JAKMIP3: variants seen among roughly 807,000 people sequenced by gnomAD.
JAKMIP3 encodes the protein Janus kinase and microtubule interacting protein 3.
Under a neutral mutation model 118.5 loss-of-function variants are expected in JAKMIP3, and 58 were observed. That is an observed-to-expected ratio of 0.49 (90% CI 0.40 to 0.61). The LOEUF is 0.61. JAKMIP3 is among the 20% of genes least tolerant of loss of function. The pLI is 0.00. For missense variants in JAKMIP3, 950 were observed against 1,109.0 expected (o/e 0.86, Z 2.04); for synonymous variants, 486 against 451.2 (o/e 1.08, Z -0.98).
chr10:132,159,361 TGTGATGC>T (rs2057564976), intron 19 of JAKMIP3, among the ~76,000 whole-genome samples: 1 of 90,894 alleles, frequency 1.1e-5, no homozygotes, highest in Non-Finnish European at 2.1e-5. Flanking sequence ...CCTCTCCCTG[TGTGATGC>T]TGGTTGGGGG....
intron 17 of JAKMIP3, among the ~76,000 whole-genome samples, 168 bp downstream of exon 17, chr10:132,153,191 A>G (rs2056535389): frequency 6.6e-6 from 1 of 152,146 alleles, no homozygotes; most frequent in Non-Finnish European, 1.5e-5. Flanking sequence ...GTCAGACAGC[A>G]CCCACTGTGC....
At chr10:132,093,931 A>ATTTTTTTTTTT (rs35838926) in intron 1 of JAKMIP3, among the ~76,000 whole-genome samples, 1 of 103,622 alleles carries the variant, frequency 9.7e-6, no homozygotes, top group African/African-American at 4.1e-5. Context: ...TCTTGTATCT[A>ATTTTTTTTTTT]TTTTTTTTTT....
At chr10:132,143,384 G>A (rs567412507) in intron 11 of JAKMIP3, among the ~76,000 whole-genome samples, 188 of 152,190 alleles carry the variant, frequency 1.2e-3, no homozygotes, top group African/African-American at 4.4e-3. Flanking sequence ...GGCAACAGCC[G>A]CATCCTCCTG....
rs78161504 is a variant in JAKMIP3, at chr10:132,055,824, G to T, written c.-138+19086G>T. 3.0e-4 allele frequency among the ~76,000 whole-genome samples: 46 copies of T among 152,330 alleles called. 3 individuals are homozygous for T. The East Asian group carries it at 8.9e-3, about 29-fold the overall frequency. On this transcript the variant is annotated intron_variant, in intron 1 of 23. Coordinates refer to the JAKMIP3 transcript ENST00000657785. ...TGCCATCAGGCGACCTGGAGGTGCA[G>T]AGAGCCCAGTAATTAGCCTTCTCCC...
chr10:132,040,916 G>C (rs2037722710), intron 1 of JAKMIP3, among the ~76,000 whole-genome samples: 1 of 152,002 alleles, frequency 6.6e-6, no homozygotes, highest in South Asian at 2.1e-4. Context: ...ACACCTCATA[G>C]AACTGGAATC....
intron 1 of JAKMIP3, among the ~76,000 whole-genome samples, chr10:132,080,379 G>T (rs768609709): frequency 2.0e-5 from 3 of 151,728 alleles, no homozygotes; most frequent in Non-Finnish European, 4.4e-5. Flanking sequence ...CTGACAATTT[G>T]TGATGTTGAA....
intron 19 of JAKMIP3, among the ~76,000 whole-genome samples, chr10:132,159,282 C>T (rs1403064656): frequency 1.0e-5 from 1 of 99,284 alleles, no homozygotes; most frequent in Admixed American, 1.3e-4. Context: ...ACCTCTTCCT[C>T]TGTGATGCTG....
At chr10:132,090,440 A>G (rs11146160) in intron 1 of JAKMIP3, among the ~76,000 whole-genome samples, 53,898 of 151,936 alleles carry the variant, frequency 0.35, 9,985 homozygotes, top group African/African-American at 0.47. Context: ...TAGTCTTGGG[A>G]GGGTGTATGT....
At chr10:132,105,928 G>C (rs11146180) in intron 2 of JAKMIP3, among the ~76,000 whole-genome samples, 33,947 of 152,126 alleles carry the variant, frequency 0.22, 4,288 homozygotes, top group African/African-American at 0.35. Flanking sequence ...TTATTTGGGG[G>C]TGGTTGCTTA....
chr10:132,127,498 AC>A (rs2049852677), intron 3 of JAKMIP3, among the ~76,000 whole-genome samples: 1 of 151,152 alleles, frequency 6.6e-6, no homozygotes, highest in African/African-American at 2.4e-5. Context: ...CAGTTGATCC[AC>A]CCGCCTCAGC....
intron 1 of JAKMIP3, among the ~76,000 whole-genome samples, chr10:132,055,476 T>G (rs1438816732): frequency 6.6e-6 from 1 of 152,162 alleles, no homozygotes; most frequent in Non-Finnish European, 1.5e-5. Flanking sequence ...TTCTTCAATG[T>G]TTGGAAAGAA....
chr10:132,130,693 C>T (rs2050393064), intron 3 of JAKMIP3, among the ~76,000 whole-genome samples: 1 of 152,232 alleles, frequency 6.6e-6, no homozygotes, highest in Non-Finnish European at 1.5e-5. Context: ...GGAGCAGCCA[C>T]AGCTGCCAGT....
At chr10:132,056,684 G>A (rs951001166) in intron 1 of JAKMIP3, among the ~76,000 whole-genome samples, 2 of 152,336 alleles carry the variant, frequency 1.3e-5, no homozygotes, top group Admixed American at 1.3e-4. Context: ...GCCAGCAGAA[G>A]CCCTCTGAAG....
At chr10:132,177,172 A>G (rs2060219048) in intron 23 of JAKMIP3, among the ~76,000 whole-genome samples, 1 of 152,226 alleles carries the variant, frequency 6.6e-6, no homozygotes, top group African/African-American at 2.4e-5. Flanking sequence ...TAATGCAACC[A>G]TCTTGGTTAA....
Position 132,171,219 on chromosome 10 carries a change from C to T in JAKMIP3, c.*1103+2186C>T, listed in dbSNP as rs544213227. 9.8e-5 allele frequency among the ~76,000 whole-genome samples: 15 copies of T among 152,358 alleles called. No individual in the cohort carries two copies. The South Asian group carries it at 1.2e-3, about 13-fold the overall frequency. ...GCGGCTGTCATCCTCTCGGGATCCT[C>T]TCCCACCGCGTCTGCTCCGAGTGTG... On this transcript the variant is annotated intron_variant, in intron 23 of 23. Coordinates refer to ENST00000684848, the MANE Select transcript of JAKMIP3 (RefSeq NM_001323087.2).
intron 19 of JAKMIP3, among the ~76,000 whole-genome samples, chr10:132,162,416 T>G (rs2058448120): frequency 6.6e-6 from 1 of 152,208 alleles, no homozygotes; most frequent in Non-Finnish European, 1.5e-5. Context: ...GAGCTCATCT[T>G]AAAGGCACCA....
chr10:132,049,829 C>T lies in JAKMIP3; in HGVS notation c.-138+13091C>T, dbSNP rs936630161. ...GAGGGAATTTGTATCAGTTCTTTTT[C>T]CTGATTTTCTTCCATAGTCTTCTGT... On this transcript the variant is annotated intron_variant, in intron 1 of 23. Transcript: ENST00000657785. The surrounding 1 kb of genome is among the most constrained non-coding windows in gnomAD (Gnocchi z 4.3). 1.3e-5 allele frequency among the ~76,000 whole-genome samples: 2 copies of T among 152,230 alleles called. No individual in the cohort carries two copies. Among genetic ancestry groups the T allele is most frequent in the Admixed American group, 6.5e-5 (1 of 15,290 alleles).
chr10:132,113,970 G>C (rs1263816538), intron 2 of JAKMIP3, among the ~76,000 whole-genome samples: 1 of 152,224 alleles, frequency 6.6e-6, no homozygotes, highest in Non-Finnish European at 1.5e-5. Flanking sequence ...CGACTTTGTA[G>C]AGCTTTGCTT....
intron 1 of JAKMIP3, among the ~76,000 whole-genome samples, chr10:132,058,026 G>A (rs2038291948): frequency 6.6e-6 from 1 of 152,212 alleles, no homozygotes; most frequent in African/African-American, 2.4e-5. Flanking sequence ...GACGACTCAA[G>A]TCCAAGTGCT....
Sources: gnomAD v4.1 joint callset for allele counts (sites outside exome capture counted in the v4.1 genomes callset) on GRCh38, gnomAD v4.1.1 for gene constraint, Gnocchi (gnomAD v3.1) non-coding constraint, MANE v1.5 for transcripts, NCBI Gene and HGNC (gene_info 2026-07-23, HGNC 2026-07-21) for gene names.